The following DGKG variants were observed in gnomAD, a reference collection of about 807,000 sequenced individuals.
DGKG encodes the protein DAG kinase gamma.
DGKG carries 78 observed loss-of-function variants against 105.3 expected under a neutral mutation model. That is an observed-to-expected ratio of 0.74 (90% CI 0.62 to 0.89). The LOEUF (loss-of-function observed/expected upper bound fraction) is 0.89. Among genes scored for constraint, DGKG ranks in the 40% least tolerant of loss-of-function variants. The pLI is 0.00. For missense variants in DGKG, 958 were observed against 1,020.1 expected, an observed-to-expected ratio of 0.94 and a Z score of 0.83; for synonymous variants, 346 against 367.1, an observed-to-expected ratio of 0.94 and a Z score of 0.66.
At chr3:186,326,198 C>G (rs1030836227) in intron 1 of DGKG, among the ~76,000 whole-genome samples, 2 of 152,130 alleles carry the variant, frequency 1.3e-5, no homozygotes, top group Admixed American at 1.3e-4. Flanking sequence ...TTGAGACCAG[C>G]CTGGCCAACA....
chr3:186,220,060 C>G (rs904543289), intron 20 of DGKG, among the ~76,000 whole-genome samples: 3 of 152,154 alleles, frequency 2.0e-5, no homozygotes, highest in African/African-American at 7.2e-5. Flanking sequence ...CATAGGCTAA[C>G]TAGTGGGTTA....
At chr3:186,264,913 T>C (rs1445176431) in intron 14 of DGKG, among the ~76,000 whole-genome samples, 1 of 152,252 alleles carries the variant, frequency 6.6e-6, no homozygotes, top group Non-Finnish European at 1.5e-5. Flanking sequence ...CTTGGCAATC[T>C]TGAAAAACCC....
intron 20 of DGKG, among the ~76,000 whole-genome samples, chr3:186,220,495 A>G (rs1055798050): frequency 6.6e-6 from 1 of 152,148 alleles, no homozygotes; most frequent in African/African-American, 2.4e-5. Flanking sequence ...TCCTGTTGCT[A>G]TGCCCCAGAG....
intron 14 of DGKG, 56 bp downstream of exon 14, chr3:186,265,191 G>A (rs1180925230): frequency 1.6e-5 from 25 of 1,565,356 alleles, no homozygotes; most frequent in African/African-American, 4.1e-5. Flanking sequence ...CGTCTTGCCC[G>A]CCACAGCCCT....
At chr3:186,169,977 A>G (rs561285905) in intron 22 of DGKG, among the ~76,000 whole-genome samples, 1 of 152,288 alleles carries the variant, frequency 6.6e-6, no homozygotes, top group Non-Finnish European at 1.5e-5. Context: ...GAGACAGTGA[A>G]AGAGAGGGTT....
chr3:186,197,659 C>T (rs1425257157), intron 21 of DGKG, among the ~76,000 whole-genome samples: 2 of 152,046 alleles, frequency 1.3e-5, no homozygotes, highest in East Asian at 1.9e-4. Context: ...GGCTGGATGC[C>T]GTAGGGTCTC....
At chr3:186,197,353 T>G (rs181279116) in intron 21 of DGKG, among the ~76,000 whole-genome samples, 42 of 152,062 alleles carry the variant, frequency 2.8e-4, no homozygotes, top group African/African-American at 9.9e-4. Flanking sequence ...GGGCTCCAGA[T>G]CAGAGCCGCA....
chr3:186,232,748 AT>A (rs1170225136), intron 20 of DGKG, among the ~76,000 whole-genome samples: 1 of 152,246 alleles, frequency 6.6e-6, no homozygotes, highest in Non-Finnish European at 1.5e-5. Flanking sequence ...TTTAAACAAG[AT>A]AAATGATGAG....
At chr3:186,302,064 T>C (rs1723947549) in intron 3 of DGKG, among the ~76,000 whole-genome samples, 1 of 152,306 alleles carries the variant, frequency 6.6e-6, no homozygotes, top group Admixed American at 6.5e-5. Flanking sequence ...CGGATTCCAC[T>C]TTTTCCAGAA....
chr3:186,355,119 C>T (rs1027331648), intron 1 of DGKG, among the ~76,000 whole-genome samples: 1 of 124,426 alleles, frequency 8.0e-6, no homozygotes. Flanking sequence ...ACTACTATCT[C>T]CATCATCACC....
At chr3:186,263,274 C>T (rs1483276319) in intron 14 of DGKG, among the ~76,000 whole-genome samples, 1 of 151,974 alleles carries the variant, frequency 6.6e-6, no homozygotes, top group Non-Finnish European at 1.5e-5. Context: ...GCACTTAAAA[C>T]ATGTACTATT....
chr3:186,268,683 C>T, intron 12 of DGKG, 118 bp downstream of exon 12: 1 of 702,750 alleles, frequency 1.4e-6, no homozygotes. Context: ...TGGGGTCCTC[C>T]TAGCCTCGCT....
At chr3:186,218,035 T>A (rs1157406939) in intron 20 of DGKG, among the ~76,000 whole-genome samples, 3 of 152,210 alleles carry the variant, frequency 2.0e-5, no homozygotes, top group East Asian at 3.9e-4. Context: ...GTGAAACAGA[T>A]GCTACCCACA....
intron 9 of DGKG, chr3:186,279,447 A>T (rs964166434): frequency 6.4e-6 from 1 of 155,736 alleles, no homozygotes; most frequent in Non-Finnish European, 1.4e-5. Flanking sequence ...ACAGATCCGT[A>T]TTTTTTCCTC....
chr3:186,192,330 C>T (rs1717948637), intron 21 of DGKG, among the ~76,000 whole-genome samples: 2 of 152,142 alleles, frequency 1.3e-5, no homozygotes, highest in African/African-American at 2.4e-5. Flanking sequence ...TTATCCTTAT[C>T]ACCCTCTAGA....
chr3:186,340,223 A>G (rs1381710902), intron 1 of DGKG, among the ~76,000 whole-genome samples: 1 of 152,214 alleles, frequency 6.6e-6, no homozygotes, highest in Admixed American at 6.5e-5. Context: ...AAGACAAAAC[A>G]TTGTAAATTT....
Position 186,297,444 on chromosome 3 carries a change from T to C in DGKG, c.350A>G (p.Asp117Gly), listed in dbSNP as rs1411268112. 1 of 1,612,980 alleles carries C rather than the reference T, an allele frequency of 6.2e-7. No individual in the cohort carries two copies. Among genetic ancestry groups the C allele is most frequent in the Non-Finnish European group, 8.5e-7 (1 of 1,179,000 alleles). Reference protein sequence around the residue: ...IQNADNATKADEACAPDTESN... With the variant: ...IQNADNATKAGEACAPDTESN... ...ACCAGTATCAGGGGCACAGGCCTCG[T>C]CTGCTTTGGTGGCATTATCTGCATT... Residue 117 changes from aspartate (D) to glycine (G), a missense_variant, in exon 5 of 25, where the codon GAC becomes GGC. Asp to Gly is a moderately conservative substitution (Grantham distance 94). Coordinates refer to ENST00000265022, the MANE Select transcript of DGKG (RefSeq NM_001346.3).
intron 2 of DGKG, among the ~76,000 whole-genome samples, chr3:186,318,237 C>A (rs1325056373): frequency 6.6e-6 from 1 of 152,164 alleles, no homozygotes; most frequent in African/African-American, 2.4e-5. Flanking sequence ...TATCCCCACG[C>A]CTCCTATGTC....
intron 9 of DGKG, chr3:186,279,346 T>C (rs2108593985): frequency 6.5e-6 from 1 of 152,726 alleles, no homozygotes; most frequent in South Asian, 2.1e-4. Flanking sequence ...AACCTCAGTT[T>C]TCCATCTGTA....
Sources: allele counts gnomAD v4.1 joint callset (sites outside exome capture counted in the v4.1 genomes callset), GRCh38; gene constraint gnomAD v4.1.1; transcripts MANE v1.5; gene names NCBI Gene and HGNC (gene_info 2026-07-23, HGNC 2026-07-21).